The following PTPRT variants were observed in gnomAD, a reference collection of about 807,000 sequenced individuals.
PTPRT encodes the protein protein tyrosine phosphatase receptor type T.
Under a neutral mutation model 176.8 loss-of-function variants are expected in PTPRT, and 56 were observed. The ratio of observed to expected loss-of-function variants is 0.32; its 90% CI spans 0.26 to 0.40. The LOEUF is 0.40. PTPRT is among the 10% of genes least tolerant of loss of function. The probability of loss-of-function intolerance (pLI) is 1.00; values close to 1 mark genes in which losing one functional copy is unlikely to be tolerated. For synonymous variants in PTPRT, 783 were observed against 739.0 expected (o/e 1.06, Z -0.96); for missense variants, 1,540 against 1,908.2 (o/e 0.81, Z 3.60).
At chr20:42,935,802 T>G (rs1373659615) in intron 1 of PTPRT, among the ~76,000 whole-genome samples, 1 of 152,260 alleles carries the variant, frequency 6.6e-6, no homozygotes, top group Non-Finnish European at 1.5e-5. Flanking sequence ...CAGGCTGGAA[T>G]GCAATGGCGC....
At chr20:42,350,969 C>A (rs2058274933) in intron 10 of PTPRT, among the ~76,000 whole-genome samples, 2 of 152,180 alleles carry the variant, frequency 1.3e-5, no homozygotes, top group Admixed American at 6.5e-5. Context: ...TGTCGAGTAA[C>A]CTGCATGAAC....
At chr20:42,646,882 C>CTTTTTTTTTTTTTTTTTTT (rs1161994908) in intron 7 of PTPRT, among the ~76,000 whole-genome samples, 6 of 76,282 alleles carry the variant, frequency 7.9e-5, no homozygotes, top group African/African-American at 3.7e-4. Flanking sequence ...CTAAGACAGC[C>CTTTTTTTTTTTTTTTTTTT]TTTTTTTTTT....
chr20:42,400,149 T>C (rs541011986), intron 9 of PTPRT, among the ~76,000 whole-genome samples: 55 of 152,236 alleles, frequency 3.6e-4, no homozygotes, highest in South Asian at 6.2e-4. Flanking sequence ...ATTACATTTT[T>C]TCTTTTTACT....
chr20:42,357,178 G>A (rs1341699345), intron 9 of PTPRT, among the ~76,000 whole-genome samples: 1 of 152,100 alleles, frequency 6.6e-6, no homozygotes, highest in African/African-American at 2.4e-5. Context: ...TCTACCATCT[G>A]TTTTTGTAAG....
At chr20:42,409,263 A>T (rs1468205846) in intron 9 of PTPRT, among the ~76,000 whole-genome samples, 1 of 151,990 alleles carries the variant, frequency 6.6e-6, no homozygotes. Context: ...CGGGTGGATC[A>T]TGAGGTCAGG....
chr20:42,881,490 C>A (rs977835758), intron 2 of PTPRT, among the ~76,000 whole-genome samples: 1 of 151,910 alleles, frequency 6.6e-6, no homozygotes. Flanking sequence ...TTTGGGAGGC[C>A]GAGGCGGAAG....
intron 18 of PTPRT, among the ~76,000 whole-genome samples, chr20:42,136,257 T>TTTC (rs11481574): frequency 7.4e-6 from 1 of 135,356 alleles, no homozygotes; most frequent in Non-Finnish European, 1.6e-5. Flanking sequence ...TTTTTTTTTT[T>TTTC]CAGAGAAAAG....
At chr20:43,018,014 G>A (rs984590324) in intron 1 of PTPRT, among the ~76,000 whole-genome samples, 1 of 152,168 alleles carries the variant, frequency 6.6e-6, no homozygotes, top group Non-Finnish European at 1.5e-5. Context: ...GGATGTGTCG[G>A]GGATATCATA....
intron 2 of PTPRT, among the ~76,000 whole-genome samples, chr20:42,855,954 T>C (rs1044746908): frequency 2.0e-5 from 3 of 152,112 alleles, no homozygotes; most frequent in African/African-American, 7.2e-5. Context: ...TTATCTCATA[T>C]GAGGACTCAA....
chr20:43,087,372 T>G (rs2011639278), intron 1 of PTPRT, among the ~76,000 whole-genome samples: 2 of 144,714 alleles, frequency 1.4e-5, no homozygotes, highest in East Asian at 4.0e-4. Context: ...CCTTTTTTTT[T>G]TTTTTTTTTT....
chr20:42,973,110 A>C (rs1031268249), intron 1 of PTPRT, among the ~76,000 whole-genome samples: 12 of 151,322 alleles, frequency 7.9e-5, no homozygotes, highest in Admixed American at 2.6e-4. Flanking sequence ...CAGGGGAGAG[A>C]TGGTAGCTGC....
intron 9 of PTPRT, among the ~76,000 whole-genome samples, chr20:42,404,878 G>A (rs2058943885): frequency 6.7e-6 from 1 of 150,358 alleles, no homozygotes; most frequent in South Asian, 2.1e-4. Flanking sequence ...AACAACTGAA[G>A]TATGAGATTT....
chr20:42,464,541 G>T (rs966316961), intron 8 of PTPRT, among the ~76,000 whole-genome samples: 1 of 152,202 alleles, frequency 6.6e-6, no homozygotes, highest in Non-Finnish European at 1.5e-5. Context: ...GGAATTGACT[G>T]TAAGAATGGA....
At chr20:42,403,234 A>G (rs1345206492) in intron 9 of PTPRT, among the ~76,000 whole-genome samples, 1 of 152,152 alleles carries the variant, frequency 6.6e-6, no homozygotes, top group Non-Finnish European at 1.5e-5. Flanking sequence ...GAACATCCTT[A>G]TCAACATTTT....
At chr20:42,122,137 AC>A (rs1987623963) in intron 19 of PTPRT, among the ~76,000 whole-genome samples, 2 of 152,242 alleles carry the variant, frequency 1.3e-5, no homozygotes, top group African/African-American at 4.8e-5. Context: ...ACATACAGTA[AC>A]AAAACTGCAC....
chr20:42,141,327 GC>G (rs1351127288), intron 18 of PTPRT, among the ~76,000 whole-genome samples: 1 of 152,178 alleles, frequency 6.6e-6, no homozygotes, highest in Non-Finnish European at 1.5e-5. Context: ...CATACCCCAA[GC>G]CCCAGGTGTA....
intron 2 of PTPRT, among the ~76,000 whole-genome samples, chr20:42,874,680 T>A (rs1375179637): frequency 6.6e-6 from 1 of 152,068 alleles, no homozygotes. Flanking sequence ...TTTGAGAGAG[T>A]TGACATTCTG....
At chr20:42,102,074 T>C (rs1441573684) in intron 26 of PTPRT, 50 bp downstream of exon 26, 1 of 1,587,762 alleles carries the variant, frequency 6.3e-7, no homozygotes, top group African/African-American at 1.3e-5. Flanking sequence ...TCAGGAAGAA[T>C]ATTTGCCCTA....
At chr20:43,108,319 T>C (rs1489759688) in intron 1 of PTPRT, among the ~76,000 whole-genome samples, 1 of 152,126 alleles carries the variant, frequency 6.6e-6, no homozygotes, top group Non-Finnish European at 1.5e-5. Flanking sequence ...GACAATCTGG[T>C]TGATAGTTCC....
Sources: gnomAD v4.1 joint callset for allele counts (sites outside exome capture counted in the v4.1 genomes callset) on GRCh38, gnomAD v4.1.1 for gene constraint, MANE v1.5 for transcripts, NCBI Gene and HGNC (gene_info 2026-07-23, HGNC 2026-07-21) for gene names.